The following ITGB1BP1 variants were observed in gnomAD, a reference collection of about 807,000 sequenced individuals.
ITGB1BP1 encodes the protein integrin subunit beta 1 binding protein 1.
In ITGB1BP1, 20 loss-of-function variants were observed where a neutral mutation model predicts 28.0. The observed-to-expected ratio is 0.71, with a 90% confidence interval of 0.50 to 1.04. The LOEUF is 1.04. ITGB1BP1 is among the 50% of genes least tolerant of loss of function. The pLI is 0.00. For missense variants in ITGB1BP1, 228 were observed against 242.5 expected (o/e 0.94, Z 0.40); for synonymous variants, 103 against 89.5 (o/e 1.15, Z -0.85).
Position 9,415,271 on chromosome 2 carries a change from C to G in ITGB1BP1, c.73-1015G>C, listed in dbSNP as rs1292670359. Among the ~76,000 whole-genome samples, 1 of 151,970 alleles carries G rather than the reference C, an allele frequency of 6.6e-6. No individual in the cohort carries two copies. Among genetic ancestry groups the G allele is most frequent in the African/African-American group, 2.4e-5 (1 of 41,380 alleles). On this transcript the variant is annotated intron_variant, in intron 2 of 6. Transcript: ENST00000355346. This position sits in a 1 kb window ranked among gnomAD's most constrained non-coding sequence, Gnocchi z 4.1. ...GCGGGCACTTATAATCCTAGCTACTCGGGAGGCTGAGGCAGGAGAATAGCT... is the reference window on the plus strand; with the variant it reads ...GCGGGCACTTATAATCCTAGCTACTGGGGAGGCTGAGGCAGGAGAATAGCT...
chr2:9,406,964 TTTGGCTAGCA>T, intron 6 of ITGB1BP1, 59 bp from the exon 7 acceptor site: 1 of 1,345,640 alleles, frequency 7.4e-7, no homozygotes, highest in Non-Finnish European at 1.1e-6. Flanking sequence ...GTGAACTTAA[TTTGGCTAGCA>T]GAGGCACACA....
Position 9,410,307 on chromosome 2 carries a change from C to T in ITGB1BP1, c.288+1962G>A, listed in dbSNP as rs1346240632. 3.3e-5 allele frequency among the ~76,000 whole-genome samples: 5 copies of T among 152,102 alleles called. No individual in the cohort carries two copies. In the East Asian group the frequency reaches 9.6e-4, roughly 29 times the overall value. On this transcript the variant is annotated intron_variant, in intron 4 of 6. Coordinates refer to ENST00000355346, the MANE Select transcript of ITGB1BP1 (RefSeq NM_004763.5). ...AGTGCAGTGGTACAATGATGGCTCACTGCAACTTTGACTTCCTGGGCTCAA... is the reference window on the plus strand; with the variant it reads ...AGTGCAGTGGTACAATGATGGCTCATTGCAACTTTGACTTCCTGGGCTCAA...
chr2:9,409,040 G>A (rs998915732), intron 4 of ITGB1BP1, among the ~76,000 whole-genome samples: 5 of 152,236 alleles, frequency 3.3e-5, no homozygotes, highest in Non-Finnish European at 7.3e-5. Flanking sequence ...TCAGGGCTTC[G>A]GGCTGGCAAG....
At chr2:9,413,333 T>C (rs902702008) in intron 3 of ITGB1BP1, among the ~76,000 whole-genome samples, 2 of 152,110 alleles carry the variant, frequency 1.3e-5, no homozygotes, top group Admixed American at 1.3e-4. Context: ...GATTTCTTTT[T>C]TTTTCTTTTT....
rs1243266045 is a variant in ITGB1BP1 at position 9,404,272 on chromosome 2, G to T, written c.*2562C>A. The T allele has an allele frequency of 6.6e-6, 1 of 152,126 alleles. No individual in the cohort carries two copies. Among genetic ancestry groups the T allele is most frequent in the African/African-American group, 2.4e-5 (1 of 41,414 alleles). 9.4% of individuals were successfully genotyped at this position (152,126 alleles called of 1,614,324 possible). The stretch of plus-strand genomic sequence containing the variant: ...GAATGTTTACTCAGTTTAGTGTCTT[G>T]TATTTCTATAATACTCCAACAGGAA... On this transcript the variant is annotated 3_prime_UTR_variant, in exon 7 of 7. Transcript: ENST00000355346.
chr2:9,408,170 T>A lies in ITGB1BP1; in HGVS notation c.324A>T (p.Glu108Asp). Residue 108 changes from glutamate to aspartate, a missense_variant, in exon 5 of 7, where the codon GAA becomes GAT. By Grantham distance (45) the Glu-to-Asp change is conservative. Coordinates refer to ENST00000355346, the MANE Select transcript of ITGB1BP1 (RefSeq NM_004763.5). ...ACTTGGAAACTCCCATAATAAATTC[T>A]TCCTCCGGAGGAACAAAAGGCAACT... ...DGKLPFVPPE[E>D]EFIMGVSKYG... The A allele has an allele frequency of 6.2e-7, 1 of 1,602,970 alleles. No individual in the cohort carries two copies. The highest frequency in any genetic ancestry group is 1.1e-5 in the South Asian group (1 of 90,764).
At chr2:9,420,217 A>G (rs4436931) in intron 1 of ITGB1BP1, 32,202 of 166,638 alleles carry the variant, frequency 0.19, 3,340 homozygotes, top group Middle Eastern at 0.3. Context: ...AGGGGACGAC[A>G]TTAGGCCACT....
At position 9,404,869 on chromosome 2, in the gene ITGB1BP1, T is replaced by C. The variant is rs1480241718; in HGVS notation, c.*1965A>G. ...GTTCCGGGTAAAAATGTGTTATATC[T>C]GTAGTTTTTTGTTTTTGTTTTTTTT... On this transcript the variant is annotated 3_prime_UTR_variant, in exon 7 of 7. Transcript: ENST00000355346. The C allele has an allele frequency of 2.0e-5, 3 of 152,598 alleles. No individual in the cohort carries two copies. Among genetic ancestry groups the C allele is most frequent in the Admixed American group, 2.0e-4 (3 of 15,278 alleles). 9.5% of individuals were successfully genotyped at this position (152,598 alleles called of 1,614,324 possible).
chr2:9,420,997 G>C (rs894403692), intron 1 of ITGB1BP1, among the ~76,000 whole-genome samples: 4 of 152,194 alleles, frequency 2.6e-5, no homozygotes, highest in African/African-American at 2.4e-5. Flanking sequence ...GAGATGGCAG[G>C]AGAGCCTTAT....
At chr2:9,423,222 G>T in intron 1 of ITGB1BP1, 151 bp downstream of exon 1, 1 of 1,104,482 alleles carries the variant, frequency 9.1e-7, no homozygotes, top group Non-Finnish European at 1.1e-6. Flanking sequence ...GCGCGGCCCC[G>T]CCCGGAACCA....
chr2:9,404,739 T>G lies in ITGB1BP1; in HGVS notation c.*2095A>C, dbSNP rs1431085025. 1.0e-5 allele frequency: 1 copy of G among 97,476 alleles called. No individual in the cohort carries two copies. The highest frequency in any genetic ancestry group is 1.9e-5 in the Non-Finnish European group (1 of 53,346). 6.0% of individuals were successfully genotyped at this position (97,476 alleles called of 1,614,324 possible). A position where few individuals can be genotyped will look rare whatever the true frequency, so the allele number is the denominator to read the frequency against. On this transcript the variant is annotated 3_prime_UTR_variant, in exon 7 of 7. Coordinates refer to ENST00000355346, the MANE Select transcript of ITGB1BP1 (RefSeq NM_004763.5). ...TTTATTATGCAAGACTGTGTAGAGT[T>G]TTTTTTTTTTTTGGCATTGTACTTT...
rs910466970 is a variant in ITGB1BP1 at position 9,403,521 on chromosome 2, A to G, written c.*3313T>C. The G allele has an allele frequency of 1.8e-6, 1 of 553,030 alleles. No individual in the cohort carries two copies. Among genetic ancestry groups the G allele is most frequent in the African/African-American group, 1.9e-5 (1 of 52,296 alleles). The allele number at this position is 553,030 out of a possible 1,614,324, so 34.3% of individuals were successfully genotyped here. ...TTTTATAATTTGTGGTTTTCATGAA[A>G]CATTGCTATGCATTTATTAGGAAAA... On this transcript the variant is annotated 3_prime_UTR_variant, in exon 7 of 7. Transcript: ENST00000355346.
intron 1 of ITGB1BP1, among the ~76,000 whole-genome samples, chr2:9,419,156 G>A (rs1205843188): frequency 1.3e-5 from 2 of 152,142 alleles, no homozygotes; most frequent in South Asian, 4.1e-4. Context: ...CTTTTCCCTT[G>A]GATACTATTC....
rs1428885099 is a variant in ITGB1BP1, at chr2:9,412,224, CCCAGACTCTCATAA to C, written c.288+31_288+44del. The C allele has an allele frequency of 7.0e-6, 11 of 1,574,390 alleles. No individual in the cohort carries two copies. The Admixed American group carries it at 1.9e-4, about 27-fold the overall frequency. ...TTGCCCCAAAGCCATGAGTTGGCTCCCCAGACTCTCATAACCAGAGAGTTACGGAATTTTTTTTT... is the reference window on the plus strand; with the variant it reads ...TTGCCCCAAAGCCATGAGTTGGCTCCCCAGAGAGTTACGGAATTTTTTTTT... On this transcript the variant is annotated intron_variant, in intron 4 of 6. Transcript: ENST00000355346.
At chr2:9,413,601 A>T (rs1678743127) in intron 3 of ITGB1BP1, among the ~76,000 whole-genome samples, 1 of 152,130 alleles carries the variant, frequency 6.6e-6, no homozygotes, top group Non-Finnish European at 1.5e-5. Flanking sequence ...AAGTGCTGGG[A>T]TTACAGTCGT....
chr2:9,410,558 G>C (rs945401054), intron 4 of ITGB1BP1, among the ~76,000 whole-genome samples: 9 of 152,138 alleles, frequency 5.9e-5, no homozygotes, highest in Admixed American at 5.2e-4. Flanking sequence ...TTCAACCTCA[G>C]CCTCCCGAGT....
intron 5 of ITGB1BP1, 148 bp downstream of exon 5, chr2:9,407,965 A>G (rs1677771488): frequency 1.6e-6 from 1 of 611,054 alleles, no homozygotes; most frequent in Non-Finnish European, 2.9e-6. Flanking sequence ...CACCTTAAGA[A>G]ATTGGTCACG....
chr2:9,421,692 A>C (rs1441810872), intron 1 of ITGB1BP1, among the ~76,000 whole-genome samples: 1 of 152,052 alleles, frequency 6.6e-6, no homozygotes, highest in African/African-American at 2.4e-5. Flanking sequence ...GTCTCAAAAA[A>C]AAAAAAAAAA....
chr2:9,423,237 C>A (rs1680124883), intron 1 of ITGB1BP1, 136 bp downstream of exon 1: 4 of 1,135,690 alleles, frequency 3.5e-6, no homozygotes, highest in Admixed American at 9.3e-5. Flanking sequence ...GAACCAAGCC[C>A]GAGCCCAGGC....
Sources: gnomAD v4.1 joint callset for allele counts (sites outside exome capture counted in the v4.1 genomes callset) on GRCh38, gnomAD v4.1.1 for gene constraint, Gnocchi (gnomAD v3.1) non-coding constraint, MANE v1.5 for transcripts, NCBI Gene and HGNC (gene_info 2026-07-23, HGNC 2026-07-21) for gene names.